DNAH1: variants seen among roughly 807,000 people sequenced by gnomAD.
The protein encoded by DNAH1 is axonemal beta dynein heavy chain 1.
DNAH1 carries 327 observed loss-of-function variants against 484.3 expected under a neutral mutation model. The observed-to-expected ratio is 0.68, with a 90% CI of 0.62 to 0.74. The LOEUF is 0.74. Among genes scored for constraint, DNAH1 ranks in the 30% least tolerant of loss-of-function variants. DNAH1 has a pLI of 0.00. For missense variants in DNAH1, 5,052 were observed against 5,546.8 expected, an observed-to-expected ratio of 0.91 and a Z score of 2.83; for synonymous variants, 2,192 against 2,191.9, an observed-to-expected ratio of 1.00 and a Z score of 0.00.
rs755444441 is a variant in DNAH1, at chr3:52,328,030, C to G, written c.871+16C>G. The G allele has an allele frequency of 4.3e-6, 7 of 1,612,106 alleles. No individual in the cohort carries two copies. In the South Asian group the frequency reaches 4.4e-5, roughly 10 times the overall value. ...CTGGGGCATGGTGAGCAAGGCCACT[C>G]TGGAGTGGGGACACTATCTCATTCC... On this transcript the variant is annotated intron_variant, in intron 6 of 77. Transcript: ENST00000420323.
chr3:52,364,914 G>A lies in DNAH1; in HGVS notation c.5413G>A (p.Val1805Met), dbSNP rs369877873. 1.9e-5 allele frequency: 31 copies of A among 1,613,988 alleles called. No homozygotes were observed. Among genetic ancestry groups the A allele is most frequent in the African/African-American group, 5.3e-5 (4 of 75,052 alleles). The change falls in exon 34 of 78, where the codon GTG (valine) becomes ATG (methionine). Residue 1805 changes from valine to methionine, a missense_variant. Physicochemically the swap from Val to Met is conservative, Grantham distance 21. Coordinates refer to ENST00000420323, the MANE Select transcript of DNAH1 (RefSeq NM_015512.5). The surrounding 1 kb of genome is among the most constrained non-coding windows in gnomAD (Gnocchi z 4.2). ...QEDLKLFSGI[V>M]SDLFPTIKEE... is the part of the protein sequence containing the mutation. ...GGACCTCAAGCTCTTCTCTGGCATC[G>A]TGTCCGACCTGTTTCCCACCATCAA...
chr3:52,350,360 T>C, intron 15 of DNAH1, 148 bp from the exon 16 acceptor site: 1 of 916,196 alleles, frequency 1.1e-6, no homozygotes, highest in African/African-American at 1.6e-5. Context: ...ATGCTGCCCT[T>C]GCACCCTGGG....
At position 52,353,545 on chromosome 3, in the gene DNAH1, C is replaced by A. The variant is rs1553633502; in HGVS notation, c.3392C>A (p.Ala1131Asp). 6.2e-7 allele frequency: 1 copy of A among 1,613,708 alleles called. No individual in the cohort carries two copies. Among genetic ancestry groups the A allele is most frequent in the Non-Finnish European group, 8.5e-7 (1 of 1,179,804 alleles). The change falls in exon 20 of 78, where the codon GCT becomes GAT. Residue 1131 changes from alanine (A) to aspartate (D), a missense_variant. Transcript: ENST00000420323. This position sits in a 1 kb window ranked among gnomAD's most constrained non-coding sequence, Gnocchi z 5.0. ...AGGCCCAAGGCCAACCTGACCTTTG[C>A]TCGCTGCCTGGAGATGAACCTGCAG... is the stretch of plus-strand genomic sequence containing the variant. Reference protein sequence around the residue: ...NVRPKANLTFARCLEMNLQDH... With the variant: ...NVRPKANLTFDRCLEMNLQDH...
Position 52,377,819 on chromosome 3 carries a change from C to T in DNAH1, c.7199-783C>T, listed in dbSNP as rs996429902. ...AATCGCCCCCAAGCCCAACTCTGGC[C>T]CTCCCCGGACCCCTCTCCTGCTGCA... On this transcript the variant is annotated intron_variant, in intron 46 of 77. Coordinates refer to ENST00000420323, the MANE Select transcript of DNAH1 (RefSeq NM_015512.5). Among the ~76,000 whole-genome samples the T allele has an allele frequency of 1.1e-4, 17 of 152,196 alleles. No individual in the cohort carries two copies. In the East Asian group the frequency reaches 3.3e-3, roughly 30 times the overall value.
At chr3:52,335,980 C>T (rs1701731032) in intron 8 of DNAH1, among the ~76,000 whole-genome samples, 1 of 151,990 alleles carries the variant, frequency 6.6e-6, no homozygotes, top group Non-Finnish European at 1.5e-5. Context: ...TTTCCTTGTA[C>T]AGTTGTTTAA....
intron 8 of DNAH1, among the ~76,000 whole-genome samples, chr3:52,336,261 T>C (rs946634041): frequency 2.6e-5 from 4 of 152,162 alleles, no homozygotes; most frequent in Non-Finnish European, 4.4e-5. Flanking sequence ...ATTTAAATCT[T>C]TAATCCTGGC....
At chr3:52,341,354 C>A (rs1701933270) in intron 8 of DNAH1, among the ~76,000 whole-genome samples, 1 of 152,018 alleles carries the variant, frequency 6.6e-6, no homozygotes, top group African/African-American at 2.4e-5. Context: ...TTTATGAAAT[C>A]CTCTCAGGAG....
chr3:52,327,387 C>T (rs894643379), intron 5 of DNAH1, among the ~76,000 whole-genome samples: 4 of 152,168 alleles, frequency 2.6e-5, no homozygotes, highest in Admixed American at 6.5e-5. Flanking sequence ...CTCCTCTCTG[C>T]GGCCCTGAGT....
intron 54 of DNAH1, 149 bp from the exon 55 acceptor site, chr3:52,386,011 G>A (rs1206844765): frequency 1.1e-6 from 1 of 889,272 alleles, no homozygotes; most frequent in Admixed American, 3.1e-5. Context: ...GGAGGTGGAA[G>A]GGGCTCCTGG....
At chr3:52,351,824 C>T in intron 16 of DNAH1, 138 bp from the exon 17 acceptor site, 2 of 1,074,430 alleles carry the variant, frequency 1.9e-6, no homozygotes, top group Non-Finnish European at 2.7e-6. Flanking sequence ...CCCAGGTAGC[C>T]TCCACAGCTG....
intron 36 of DNAH1, among the ~76,000 whole-genome samples, chr3:52,367,522 T>TG (rs1201435917): frequency 6.6e-6 from 1 of 151,862 alleles, no homozygotes; most frequent in Non-Finnish European, 1.5e-5. Flanking sequence ...GTGAGGGGGC[T>TG]GGGGGTCAGA....
Position 52,364,678 on chromosome 3 carries a change from T to C in DNAH1, c.5285T>C (p.Ile1762Thr), listed in dbSNP as rs1702996071. 6.2e-7 allele frequency: 1 copy of C among 1,613,782 alleles called. No individual in the cohort carries two copies. The highest frequency in any genetic ancestry group is 1.3e-5 in the African/African-American group (1 of 74,894). ...GGGATGAGAGCCGTGAAAACTGTGATCTCGGCTGCTGGGAACCTCAAGCGA... is the reference window on the plus strand; with the variant it reads ...GGGATGAGAGCCGTGAAAACTGTGACCTCGGCTGCTGGGAACCTCAAGCGA... The part of the protein sequence containing the change: ...DFGMRAVKTV[I>T]SAAGNLKREN... The change falls in exon 33 of 78, where the codon ATC (isoleucine) becomes ACC (threonine). Residue 1762 changes from isoleucine (I) to threonine (T), a missense_variant. Coordinates refer to ENST00000420323, the MANE Select transcript of DNAH1 (RefSeq NM_015512.5). The surrounding 1 kb of genome is among the most constrained non-coding windows in gnomAD (Gnocchi z 4.2).
At position 52,398,038 on chromosome 3, in the gene DNAH1, G is replaced by A. The variant is rs1039130740; in HGVS notation, c.11965G>A (p.Glu3989Lys). Residue 3989 changes from glutamate (E) to lysine (K), a missense_variant, in exon 75 of 78, where the codon GAG (glutamate) becomes AAG (lysine). By Grantham distance (56) the Glu-to-Lys change is moderately conservative. Coordinates refer to ENST00000420323, the MANE Select transcript of DNAH1 (RefSeq NM_015512.5). ...AGSQGREEIV[E>K]DVTQNILLKV... ...TATTCCTTTGCCCCTGCAGATAGTG[G>A]AGGACGTCACCCAAAACATTCTGCT... 1.2e-6 allele frequency: 2 copies of A among 1,613,550 alleles called. No individual in the cohort carries two copies. Among genetic ancestry groups the A allele is most frequent in the Non-Finnish European group, 1.7e-6 (2 of 1,179,674 alleles).
intron 59 of DNAH1, 70 bp downstream of exon 59, chr3:52,389,007 C>T (rs974262093): frequency 1.3e-5 from 19 of 1,482,570 alleles, no homozygotes; most frequent in South Asian, 6.7e-5. Context: ...CTTGAGGCCT[C>T]GCCTCCATGA....
intron 65 of DNAH1, 64 bp from the exon 66 acceptor site, chr3:52,393,270 C>A: frequency 6.3e-7 from 1 of 1,599,276 alleles, no homozygotes. Flanking sequence ...CTAGGCTGGG[C>A]TGGACCCCGG....
chr3:52,351,216 G>A (rs1702365998), intron 16 of DNAH1, among the ~76,000 whole-genome samples: 2 of 152,200 alleles, frequency 1.3e-5, no homozygotes, highest in Admixed American at 6.5e-5. Context: ...GGGGTTCTTG[G>A]GAGCACTGAG....
Position 52,361,581 on chromosome 3 carries a change from T to A in DNAH1, c.4875-80T>A. The A allele has an allele frequency of 6.9e-6, 10 of 1,446,794 alleles. No homozygotes were observed. The highest frequency in any genetic ancestry group is 3.8e-5 in the South Asian group (3 of 78,510). The allele number at this position is 1,446,794 out of a possible 1,614,324, so 89.6% of individuals were successfully genotyped here. A position where few individuals can be genotyped will look rare whatever the true frequency, so the allele number is the denominator to read the frequency against. Reference sequence around the variant, plus strand: ...CCTGAGGGCTTCCTCCCAAGTGGAGTTGGAGGGGGCCCTCAGAGGGAGGTG... The same window carrying A: ...CCTGAGGGCTTCCTCCCAAGTGGAGATGGAGGGGGCCCTCAGAGGGAGGTG... On this transcript the variant is annotated intron_variant, in intron 29 of 77. Transcript: ENST00000420323. The surrounding 1 kb of genome is among the most constrained non-coding windows in gnomAD (Gnocchi z 5.6).
At position 52,368,504 on chromosome 3, in the gene DNAH1, C is replaced by G. The variant is rs1449482381; in HGVS notation, c.5766-237C>G. Among the ~76,000 whole-genome samples, 1 of 152,176 alleles carries G rather than the reference C, an allele frequency of 6.6e-6. No individual in the cohort carries two copies. The highest frequency in any genetic ancestry group is 2.4e-5 in the African/African-American group (1 of 41,428). ...TTGCCTCCTCCCCTGCTCCCTTTTT[C>G]CTGTTGGGATTTCACCTTTAATGGG... On this transcript the variant is annotated intron_variant, in intron 36 of 77. Transcript: ENST00000420323. This position sits in a 1 kb window ranked among gnomAD's most constrained non-coding sequence, Gnocchi z 4.4.
chr3:52,330,573 G>A (rs1197080733), intron 6 of DNAH1, among the ~76,000 whole-genome samples: 1 of 152,252 alleles, frequency 6.6e-6, no homozygotes, highest in African/African-American at 2.4e-5. Flanking sequence ...AGAAATGAGT[G>A]AGGGGCAGCG....
Sources: gnomAD v4.1 joint callset for allele counts (sites outside exome capture counted in the v4.1 genomes callset) on GRCh38, gnomAD v4.1.1 for gene constraint, Gnocchi (gnomAD v3.1) non-coding constraint, MANE v1.5 for transcripts, NCBI Gene and HGNC (gene_info 2026-07-23, HGNC 2026-07-21) for gene names.